The following RPRD1B variants were observed in gnomAD, a reference collection of about 807,000 sequenced individuals.
RPRD1B encodes the protein regulation of nuclear pre-mRNA domain containing 1B, also known as regulation of nuclear pre-mRNA domain-containing protein 1B.
A neutral mutation model predicts 41.5 loss-of-function variants in RPRD1B; 11 were observed. The ratio of observed to expected loss-of-function variants is 0.27; its 90% CI spans 0.17 to 0.44. The LOEUF (loss-of-function observed/expected upper bound fraction) is 0.44, where lower values mean the gene tolerates loss of function less well. Among genes scored for constraint, RPRD1B ranks in the 20% least tolerant of loss-of-function variants. RPRD1B has a pLI of 1.00. For synonymous variants in RPRD1B, 158 were observed against 155.6 expected (o/e 1.02, Z -0.12); for missense variants, 248 against 389.9 (o/e 0.64, Z 3.06).
intron 6 of RPRD1B, among the ~76,000 whole-genome samples, chr20:38,076,750 G>A (rs1160184463): frequency 6.8e-6 from 1 of 147,830 alleles, no homozygotes; most frequent in African/African-American, 2.5e-5. Context: ...GGCCCTGTCT[G>A]CAGCATTTAA....
At chr20:38,076,765 A>G (rs2074464175) in intron 6 of RPRD1B, among the ~76,000 whole-genome samples, 1 of 148,872 alleles carries the variant, frequency 6.7e-6, no homozygotes, top group South Asian at 2.1e-4. Context: ...ATTTAATATT[A>G]CTGTATTACA....
intron 3 of RPRD1B, 115 bp downstream of exon 3, chr20:38,048,596 GAGAC>G: frequency 6.8e-7 from 1 of 1,474,554 alleles, no homozygotes; most frequent in Non-Finnish European, 9.0e-7. Flanking sequence ...ATTCTTCAGA[GAGAC>G]AGATGATCAT....
chr20:38,038,481 T>A (rs2074026730), intron 1 of RPRD1B, among the ~76,000 whole-genome samples: 2 of 122,136 alleles, frequency 1.6e-5, no homozygotes, highest in Admixed American at 1.5e-4. Context: ...GGCTGATTTT[T>A]TTTGTTTTGT....
chr20:38,079,383 A>C (rs2074493294), intron 6 of RPRD1B, among the ~76,000 whole-genome samples: 1 of 151,892 alleles, frequency 6.6e-6, no homozygotes, highest in South Asian at 2.1e-4. Flanking sequence ...TGTACCTGAT[A>C]GGTAGTTTTT....
At chr20:38,082,689 A>T (rs2074524859) in intron 6 of RPRD1B, among the ~76,000 whole-genome samples, 1 of 152,184 alleles carries the variant, frequency 6.6e-6, no homozygotes, top group Admixed American at 6.5e-5. Context: ...GCCCGGCCTG[A>T]ACTTGTATTT....
At chr20:38,067,555 G>A (rs2074369924) in intron 6 of RPRD1B, among the ~76,000 whole-genome samples, 1 of 152,214 alleles carries the variant, frequency 6.6e-6, no homozygotes. Context: ...TCTGACTTGA[G>A]GGGAAATGAG....
intron 6 of RPRD1B, among the ~76,000 whole-genome samples, chr20:38,082,958 A>G (rs997517984): frequency 6.6e-6 from 1 of 152,220 alleles, no homozygotes; most frequent in Non-Finnish European, 1.5e-5. Flanking sequence ...CAAATACACA[A>G]GCACACACAC....
intron 6 of RPRD1B, among the ~76,000 whole-genome samples, chr20:38,087,366 G>A (rs1198511243): frequency 2.6e-5 from 4 of 152,208 alleles, no homozygotes; most frequent in East Asian, 3.8e-4. Context: ...AACTTGCCAC[G>A]TTGGTCTGAT....
chr20:38,048,851 G>A (rs540744431), intron 3 of RPRD1B, among the ~76,000 whole-genome samples: 7 of 152,264 alleles, frequency 4.6e-5, no homozygotes, highest in African/African-American at 7.2e-5. Flanking sequence ...TAGGACCTTG[G>A]ATAAGTTTCT....
intron 1 of RPRD1B, among the ~76,000 whole-genome samples, chr20:38,036,662 C>T (rs1315948295): frequency 6.6e-6 from 1 of 152,140 alleles, no homozygotes; most frequent in African/African-American, 2.4e-5. Context: ...CAGCGCTATC[C>T]AATACAACTT....
chr20:38,038,411 G>A (rs2074025598), intron 1 of RPRD1B, among the ~76,000 whole-genome samples: 1 of 149,622 alleles, frequency 6.7e-6, no homozygotes, highest in African/African-American at 2.5e-5. Context: ...CCAGGTTCAA[G>A]TGATTCGCCT....
chr20:38,067,781 A>G (rs1030026253), intron 6 of RPRD1B, among the ~76,000 whole-genome samples: 1 of 152,234 alleles, frequency 6.6e-6, no homozygotes, highest in Non-Finnish European at 1.5e-5. Context: ...TGAAATGCTC[A>G]TCTTTCACTG....
chr20:38,074,418 C>G (rs1254510905), intron 6 of RPRD1B, among the ~76,000 whole-genome samples: 1 of 152,160 alleles, frequency 6.6e-6, no homozygotes, highest in Non-Finnish European at 1.5e-5. Context: ...TTATAATGTA[C>G]TTCACATACT....
chr20:38,072,108 T>C (rs2074418603), intron 6 of RPRD1B, among the ~76,000 whole-genome samples: 1 of 152,162 alleles, frequency 6.6e-6, no homozygotes, highest in Non-Finnish European at 1.5e-5. Context: ...GTCATGACAA[T>C]TTTTTTCTGT....
chr20:38,036,579 G>A (rs541539824), intron 1 of RPRD1B, among the ~76,000 whole-genome samples: 2 of 152,260 alleles, frequency 1.3e-5, no homozygotes, highest in Admixed American at 1.3e-4. Context: ...CGTGGTGCCT[G>A]TTATATAGTT....
chr20:38,055,922 G>A (rs1353175748), intron 3 of RPRD1B, among the ~76,000 whole-genome samples: 1 of 152,150 alleles, frequency 6.6e-6, no homozygotes, highest in East Asian at 1.9e-4. Flanking sequence ...AACTACTCAA[G>A]AGTTAATATG....
chr20:38,083,717 C>T (rs796078312), intron 6 of RPRD1B, among the ~76,000 whole-genome samples: 3 of 152,284 alleles, frequency 2.0e-5, no homozygotes, highest in African/African-American at 7.2e-5. Context: ...TTGGGAAATA[C>T]TTTGTGTGTA....
chr20:38,063,056 C>G (rs2074316366), intron 5 of RPRD1B, among the ~76,000 whole-genome samples: 1 of 152,042 alleles, frequency 6.6e-6, no homozygotes. Flanking sequence ...ATTTTCCCCT[C>G]ACTCACTGCT....
Position 38,092,197 on chromosome 20 carries a change from C to T in RPRD1B, c.*2322C>T. 2 of 985,640 alleles carry T rather than the reference C, an allele frequency of 2.0e-6. No individual in the cohort carries two copies. Among genetic ancestry groups the T allele is most frequent in the Non-Finnish European group, 2.4e-6 (2 of 829,850 alleles). The allele number at this position is 985,640 out of a possible 1,614,324, so 61.1% of individuals were successfully genotyped here. ...TCATATTCCTCAGAAAGTCTTCAAT[C>T]TTCCCTTGTTTTTGTTTGTTTGTTT... On this transcript the variant is annotated 3_prime_UTR_variant, in exon 7 of 7. Transcript: ENST00000373433.
Sources: allele counts gnomAD v4.1 joint callset (sites outside exome capture counted in the v4.1 genomes callset), GRCh38; gene constraint gnomAD v4.1.1; transcripts MANE v1.5; gene names NCBI Gene and HGNC (gene_info 2026-07-23, HGNC 2026-07-21).